CDYL: variants seen among roughly 807,000 people sequenced by gnomAD.
CDYL encodes the protein chromodomain Y-like protein.
CDYL carries 8 observed loss-of-function variants against 47.3 expected under a neutral mutation model. The observed-to-expected ratio is 0.17, with a 90% CI of 0.10 to 0.31. The LOEUF (loss-of-function observed/expected upper bound fraction) is 0.31. Ranked by LOEUF, CDYL falls within the 10% of genes least tolerant of loss-of-function variation. The pLI is 1.00. For synonymous variants in CDYL, 266 were observed against 265.0 expected, an observed-to-expected ratio of 1.00 and a Z score of -0.04; for missense variants, 471 against 701.4, an observed-to-expected ratio of 0.67 and a Z score of 3.71.
At chr6:4,744,980 C>G (rs1373439413) in intron 3 of CDYL, among the ~76,000 whole-genome samples, 1 of 152,116 alleles carries the variant, frequency 6.6e-6, no homozygotes, top group South Asian at 2.1e-4. Context: ...TTTTTAGAGA[C>G]AGGCCCCTGG....
intron 1 of CDYL, among the ~76,000 whole-genome samples, chr6:4,891,211 T>C (rs1762031766): frequency 1.3e-5 from 2 of 152,246 alleles, no homozygotes; most frequent in African/African-American, 4.8e-5. Flanking sequence ...TTAGTTTTAA[T>C]TGAGTGCTTC....
At chr6:4,727,323 G>A (rs920048548) in intron 2 of CDYL, among the ~76,000 whole-genome samples, 18 of 152,218 alleles carry the variant, frequency 1.2e-4, no homozygotes, top group African/African-American at 4.1e-4. Context: ...AGAAGGGTAG[G>A]AAGCTCATGG....
rs114758412 is a variant in CDYL, at chr6:4,862,978, A to G, written c.25-28735A>G. Among the ~76,000 whole-genome samples the G allele has an allele frequency of 9.9e-3, 1,516 of 152,370 alleles. 12 individuals carry two copies. The highest frequency in any genetic ancestry group is 0.016 in the Non-Finnish European group (1,065 of 68,038). On this transcript the variant is annotated intron_variant, in intron 1 of 6. Coordinates refer to ENST00000397588, the MANE Select transcript of CDYL (RefSeq NM_004824.4). ...AGTGCCTATCAACAGTGTACTGGAT[A>G]AAGAAAATGTGGTACATATACACCA...
chr6:4,831,043 G>T (rs1282202399), intron 1 of CDYL, among the ~76,000 whole-genome samples: 1 of 151,984 alleles, frequency 6.6e-6, no homozygotes, highest in Non-Finnish European at 1.5e-5. Flanking sequence ...TTGCTATTGT[G>T]AATAGTGCCG....
chr6:4,805,299 A>G lies in CDYL; in HGVS notation c.24+28492A>G, dbSNP rs1244256990. Among the ~76,000 whole-genome samples, 5 of 152,222 alleles carry G rather than the reference A, an allele frequency of 3.3e-5. No homozygotes were observed. In the South Asian group the frequency reaches 1.0e-3, roughly 31 times the overall value. On this transcript the variant is annotated intron_variant, in intron 1 of 6. Transcript: ENST00000397588. ...TCTGCTCCCCATTGGGGGAAAAAAA[A>G]GCATATGCTTGGTAGAAAGAATGTT...
chr6:4,796,208 C>T (rs2127436956), intron 1 of CDYL, among the ~76,000 whole-genome samples: 1 of 152,274 alleles, frequency 6.6e-6, no homozygotes, highest in South Asian at 2.1e-4. Flanking sequence ...GCTGGCATTA[C>T]AGGTGTGAGC....
chr6:4,952,003 T>A (rs1186039420), intron 5 of CDYL, among the ~76,000 whole-genome samples: 1 of 152,162 alleles, frequency 6.6e-6, no homozygotes, highest in African/African-American at 2.4e-5. Context: ...GTCCCTGTAA[T>A]TCTGTAGTAG....
chr6:4,925,905 C>G (rs1757860089), intron 2 of CDYL, among the ~76,000 whole-genome samples: 1 of 152,142 alleles, frequency 6.6e-6, no homozygotes, highest in South Asian at 2.1e-4. Flanking sequence ...CTGATTCTAG[C>G]TCATCGTTTT....
In CDYL at chr6:4,935,590, C is replaced by T. The variant is rs1009337706; in HGVS notation, c.767C>T (p.Ala256Val). The T allele has an allele frequency of 1.2e-6, 2 of 1,614,126 alleles. No homozygotes were observed. The stretch of plus-strand genomic sequence containing the variant: ...CAGACATCTGTTACAGGAGTGACTG[C>T]CAGCAAAAGGAAATTTATTGACGAC... Reference protein sequence around the residue: ...NIQTSVTGVTASKRKFIDDRR... With the variant: ...NIQTSVTGVTVSKRKFIDDRR... The change falls in exon 3 of 7, where the codon GCC (alanine) becomes GTC (valine). Residue 256 changes from alanine (A) to valine (V), a missense_variant. Physicochemically the swap from Ala to Val is moderately conservative, Grantham distance 64 (BLOSUM62 0). Transcript: ENST00000397588.
chr6:4,897,195 TTCA>T (rs1762309623), intron 2 of CDYL, among the ~76,000 whole-genome samples: 3 of 152,352 alleles, frequency 2.0e-5, no homozygotes, highest in South Asian at 4.1e-4. Context: ...AAACATATAA[TTCA>T]TCATCATTCC....
At chr6:4,759,132 C>T (rs11242981) in intron 3 of CDYL, among the ~76,000 whole-genome samples, 1 of 151,916 alleles carries the variant, frequency 6.6e-6, no homozygotes, top group African/African-American at 2.4e-5. Flanking sequence ...CCACACCTGG[C>T]TAATTTTTTT....
At chr6:4,753,787 C>T (rs963735889) in intron 3 of CDYL, among the ~76,000 whole-genome samples, 2 of 152,190 alleles carry the variant, frequency 1.3e-5, no homozygotes, top group African/African-American at 2.4e-5. Flanking sequence ...CAGGAGAAAC[C>T]TGGCTTCTAC....
chr6:4,762,891 A>G (rs1758197788), intron 3 of CDYL, among the ~76,000 whole-genome samples: 1 of 152,190 alleles, frequency 6.6e-6, no homozygotes, highest in South Asian at 2.1e-4. Flanking sequence ...ATAATGGCTG[A>G]CAAAATTTTG....
At chr6:4,912,773 C>T (rs765241673) in intron 2 of CDYL, among the ~76,000 whole-genome samples, 8 of 152,140 alleles carry the variant, frequency 5.3e-5, no homozygotes, top group South Asian at 2.1e-4. Context: ...CATCACATGG[C>T]GAGGGGGCAG....
At chr6:4,789,256 A>G (rs1410014219) in intron 1 of CDYL, among the ~76,000 whole-genome samples, 2 of 152,054 alleles carry the variant, frequency 1.3e-5, no homozygotes, top group Non-Finnish European at 2.9e-5. Context: ...TTGTATTTTT[A>G]GTAGATACGG....
In CDYL at chr6:4,790,174, G is replaced by T. The variant is rs75038703; in HGVS notation, c.24+13367G>T. 1.8e-3 allele frequency among the ~76,000 whole-genome samples: 270 copies of T among 152,290 alleles called. 1 individual carries two copies. Among genetic ancestry groups the T allele is most frequent in the African/African-American group, 6.4e-3 (265 of 41,560 alleles). ...TAGCAAGAAGCTATTTACTCTTTCA[G>T]TAAGTGTTTGTTAAGGGTGGTGGTA... On this transcript the variant is annotated intron_variant, in intron 1 of 6. Transcript: ENST00000397588.
At chr6:4,721,540 C>G (rs776178319) in intron 2 of CDYL, among the ~76,000 whole-genome samples, 4 of 151,970 alleles carry the variant, frequency 2.6e-5, no homozygotes, top group Non-Finnish European at 5.9e-5. Flanking sequence ...TGTGCCACCA[C>G]GCTTGGATAA....
At chr6:4,829,797 A>G (rs966189999) in intron 1 of CDYL, among the ~76,000 whole-genome samples, 1 of 152,214 alleles carries the variant, frequency 6.6e-6, no homozygotes, top group Non-Finnish European at 1.5e-5. Context: ...ACATACCTAC[A>G]CAATTATTTG....
chr6:4,876,581 A>G (rs1026640587), intron 1 of CDYL, among the ~76,000 whole-genome samples: 1 of 152,180 alleles, frequency 6.6e-6, no homozygotes, highest in East Asian at 1.9e-4. Flanking sequence ...TGTGATATTC[A>G]TCACTTCAAA....
Sources: gnomAD v4.1 joint callset for allele counts (sites outside exome capture counted in the v4.1 genomes callset) on GRCh38, gnomAD v4.1.1 for gene constraint, MANE v1.5 for transcripts, NCBI Gene and HGNC (gene_info 2026-07-23, HGNC 2026-07-21) for gene names.